Variants in RSPO2 observed in about 807,000 individuals in gnomAD.
The protein encoded by RSPO2 is R-spondin-2.
Under a neutral mutation model 30.9 loss-of-function variants are expected in RSPO2, and 14 were observed. That is an observed-to-expected ratio of 0.45 (90% CI 0.30 to 0.71). The LOEUF is 0.71. RSPO2 is among the 30% of genes least tolerant of loss of function. The pLI is 0.08. For missense variants in RSPO2, 264 were observed against 301.9 expected, an observed-to-expected ratio of 0.87 and a Z score of 0.93; for synonymous variants, 107 against 96.4, an observed-to-expected ratio of 1.11 and a Z score of -0.64.
In RSPO2 at chr8:108,023,688, C is replaced by T. The variant is rs1466002894; in HGVS notation, c.95-34444G>A. 2.0e-5 allele frequency among the ~76,000 whole-genome samples: 3 copies of T among 152,108 alleles called. No homozygotes were observed. In the East Asian group the frequency reaches 5.8e-4, roughly 29 times the overall value. On this transcript the variant is annotated intron_variant, in intron 2 of 5. Coordinates refer to ENST00000276659, the MANE Select transcript of RSPO2 (RefSeq NM_178565.5). ...TATATGGCTCTACTCATAAATAGGA[C>T]ACTCTGTTATGGCCACAGGTAATAG...
chr8:107,994,723 A>G (rs868609446), intron 2 of RSPO2, among the ~76,000 whole-genome samples: 2 of 152,162 alleles, frequency 1.3e-5, no homozygotes, highest in Admixed American at 6.6e-5. Context: ...TTAACCCAAG[A>G]AAGAATTAGG....
chr8:107,933,273 C>CCATGCA (rs1321224957), intron 5 of RSPO2, among the ~76,000 whole-genome samples: 5 of 152,230 alleles, frequency 3.3e-5, no homozygotes, highest in African/African-American at 1.2e-4. Context: ...ACAACCTAGT[C>CCATGCA]CATGCACATG....
chr8:107,918,109 C>A (rs1256333349), intron 5 of RSPO2, among the ~76,000 whole-genome samples: 1 of 152,116 alleles, frequency 6.6e-6, no homozygotes, highest in Non-Finnish European at 1.5e-5. Flanking sequence ...AACTAATAGA[C>A]AAGTAATCTT....
intron 5 of RSPO2, among the ~76,000 whole-genome samples, chr8:107,907,526 A>C (rs10089921): frequency 0.036 from 5,546 of 152,188 alleles, 155 homozygotes; most frequent in African/African-American, 0.079. Flanking sequence ...AGGGTCACTT[A>C]GTCATTTCAT....
chr8:108,004,917 T>G (rs1815402338), intron 2 of RSPO2, among the ~76,000 whole-genome samples: 1 of 152,222 alleles, frequency 6.6e-6, no homozygotes, highest in Non-Finnish European at 1.5e-5. Context: ...ATGCCAACAA[T>G]GTCCTTTATA....
chr8:108,007,891 A>C (rs944706819), intron 2 of RSPO2, among the ~76,000 whole-genome samples: 7 of 152,060 alleles, frequency 4.6e-5, no homozygotes, highest in African/African-American at 1.7e-4. Context: ...AGCGCACCAT[A>C]ATTAGGCCTG....
intron 3 of RSPO2, chr8:107,983,668 CT>C: frequency 2.5e-6 from 4 of 1,593,032 alleles, no homozygotes; most frequent in Middle Eastern, 4.5e-4. Context: ...TGTGGAATTC[CT>C]TGTGGCAGAG....
intron 2 of RSPO2, among the ~76,000 whole-genome samples, chr8:108,031,426 A>G (rs1310692391): frequency 6.6e-6 from 1 of 152,256 alleles, no homozygotes; most frequent in Non-Finnish European, 1.5e-5. Flanking sequence ...GTTATTACCA[A>G]TCATTAAAAA....
intron 2 of RSPO2, among the ~76,000 whole-genome samples, chr8:107,995,144 A>C (rs1256757695): frequency 2.6e-5 from 4 of 151,824 alleles, no homozygotes; most frequent in Non-Finnish European, 5.9e-5. Context: ...CTATTCTAGG[A>C]CTCTTTTCTA....
chr8:108,081,662 C>G (rs1208823238), intron 2 of RSPO2, among the ~76,000 whole-genome samples: 1 of 152,090 alleles, frequency 6.6e-6, no homozygotes, highest in Non-Finnish European at 1.5e-5. Flanking sequence ...GACAGAAATA[C>G]GCACTAAATC....
At chr8:108,063,980 A>G (rs1235607637) in intron 2 of RSPO2, among the ~76,000 whole-genome samples, 2 of 152,242 alleles carry the variant, frequency 1.3e-5, no homozygotes, top group East Asian at 3.9e-4. Flanking sequence ...AGCCATATGT[A>G]GAAAGCTGAA....
At chr8:108,039,903 A>T (rs563053791) in intron 2 of RSPO2, among the ~76,000 whole-genome samples, 1 of 152,290 alleles carries the variant, frequency 6.6e-6, no homozygotes, top group South Asian at 2.1e-4. Flanking sequence ...CCAGAGAGTT[A>T]GTTAGTGGTC....
intron 3 of RSPO2, among the ~76,000 whole-genome samples, chr8:107,980,762 T>C (rs1814402095): frequency 1.3e-5 from 2 of 152,134 alleles, no homozygotes; most frequent in East Asian, 3.9e-4. Context: ...AAGGGAAGGA[T>C]ACACCTGAGC....
At position 107,899,376 on chromosome 8, in the gene RSPO2, T is replaced by C. The variant is rs772242923; in HGVS notation, c.*1699A>G. 3 of 152,588 alleles carry C rather than the reference T, an allele frequency of 2.0e-5. No individual in the cohort carries two copies. The highest frequency in any genetic ancestry group is 6.5e-5 in the Admixed American group (1 of 15,280). The allele number at this position is 152,588 out of a possible 1,614,324, so 9.5% of individuals were successfully genotyped here. A position where few individuals can be genotyped will look rare whatever the true frequency, so the allele number is the denominator to read the frequency against. Reference sequence around the variant, plus strand: ...CCCAGGAACAACAGGTATTGACTTATTAACGATGAAGCACTATATAAGGAG... The same window carrying C: ...CCCAGGAACAACAGGTATTGACTTACTAACGATGAAGCACTATATAAGGAG... On this transcript the variant is annotated 3_prime_UTR_variant, in exon 6 of 6. Coordinates refer to ENST00000276659, the MANE Select transcript of RSPO2 (RefSeq NM_178565.5).
At chr8:108,062,980 T>A (rs937804015) in intron 2 of RSPO2, among the ~76,000 whole-genome samples, 2 of 151,806 alleles carry the variant, frequency 1.3e-5, no homozygotes, top group South Asian at 2.1e-4. Flanking sequence ...AAAATTCAAC[T>A]GCCCTTCATG....
chr8:108,012,589 G>T (rs1810746127), intron 2 of RSPO2, among the ~76,000 whole-genome samples: 1 of 152,174 alleles, frequency 6.6e-6, no homozygotes, highest in Non-Finnish European at 1.5e-5. Flanking sequence ...CATAACTGAA[G>T]TAGAAACTTC....
intron 2 of RSPO2, among the ~76,000 whole-genome samples, chr8:108,059,204 C>T (rs963266224): frequency 2.6e-5 from 4 of 151,722 alleles, no homozygotes; most frequent in Non-Finnish European, 5.9e-5. Flanking sequence ...TGAACAGACA[C>T]TTCTCAAAAG....
At chr8:108,018,001 C>A (rs980361330) in intron 2 of RSPO2, among the ~76,000 whole-genome samples, 2 of 152,174 alleles carry the variant, frequency 1.3e-5, no homozygotes, top group Non-Finnish European at 2.9e-5. Context: ...TCTACAGAAT[C>A]TTGCATCATT....
At chr8:108,025,537 A>G (rs867029813) in intron 2 of RSPO2, among the ~76,000 whole-genome samples, 7 of 152,088 alleles carry the variant, frequency 4.6e-5, no homozygotes, top group African/African-American at 9.7e-5. Flanking sequence ...TGATTTTTTT[A>G]TTCTTTGAGA....
Sources: gnomAD v4.1 joint callset for allele counts (sites outside exome capture counted in the v4.1 genomes callset) on GRCh38, gnomAD v4.1.1 for gene constraint, MANE v1.5 for transcripts, NCBI Gene and HGNC (gene_info 2026-07-23, HGNC 2026-07-21) for gene names.